Variants in RBFOX1 observed in about 807,000 individuals in gnomAD.
The protein encoded by RBFOX1 is RNA binding protein fox-1 homolog 1.
RBFOX1 carries 8 observed loss-of-function variants against 57.7 expected under a neutral mutation model. The ratio of observed to expected loss-of-function variants is 0.14; its 90% CI spans 0.08 to 0.25. The LOEUF (loss-of-function observed/expected upper bound fraction) is 0.25, where lower values mean the gene tolerates loss of function less well. Among genes scored for constraint, RBFOX1 ranks in the 10% least tolerant of loss-of-function variants. RBFOX1 has a pLI of 1.00. For missense variants in RBFOX1, 611 were observed against 548.5 expected (o/e 1.11, Z -1.14); for synonymous variants, 326 against 222.4 (o/e 1.47, Z -4.15).
chr16:6,639,442 G>A (rs996396748), intron 2 of RBFOX1, among the ~76,000 whole-genome samples: 1 of 151,954 alleles, frequency 6.6e-6, no homozygotes, highest in African/African-American at 2.4e-5. Flanking sequence ...GGCCAGTAGG[G>A]GTCTGTTTAA....
chr16:5,295,834 G>A (rs754720645), intron 1 of RBFOX1, among the ~76,000 whole-genome samples: 19 of 152,156 alleles, frequency 1.2e-4, no homozygotes, highest in Non-Finnish European at 2.5e-4. Flanking sequence ...TCAGTACCAG[G>A]ATGGGAGGCA....
chr16:7,426,239 G>C (rs1482077815), intron 4 of RBFOX1, among the ~76,000 whole-genome samples: 1 of 152,126 alleles, frequency 6.6e-6, no homozygotes, highest in African/African-American at 2.4e-5. Context: ...TACAAATTGA[G>C]TCTTTTTTCT....
intron 3 of RBFOX1, among the ~76,000 whole-genome samples, chr16:5,616,644 C>T (rs955043268): frequency 6.9e-6 from 1 of 145,908 alleles, no homozygotes; most frequent in African/African-American, 2.5e-5. Context: ...CTCCTCACCC[C>T]TCCTCCTCTG....
chr16:5,734,161 C>G (rs1402339290), intron 3 of RBFOX1, among the ~76,000 whole-genome samples: 1 of 152,182 alleles, frequency 6.6e-6, no homozygotes. Flanking sequence ...GGTGTCTTGT[C>G]TGTTCAAAGA....
chr16:6,224,727 A>C (rs925026761), intron 1 of RBFOX1, among the ~76,000 whole-genome samples: 1 of 152,140 alleles, frequency 6.6e-6, no homozygotes, highest in African/African-American at 2.4e-5. Flanking sequence ...GCAGATTAAG[A>C]ATCACTTACT....
At chr16:5,795,111 C>G (rs2054832517) in intron 3 of RBFOX1, among the ~76,000 whole-genome samples, 1 of 152,176 alleles carries the variant, frequency 6.6e-6, no homozygotes, top group African/African-American at 2.4e-5. Context: ...GAAATACCTA[C>G]CTTATTATAT....
chr16:7,479,259 G>A (rs113928240), intron 4 of RBFOX1, among the ~76,000 whole-genome samples: 2 of 151,950 alleles, frequency 1.3e-5, no homozygotes, highest in African/African-American at 4.8e-5. Flanking sequence ...GAGTCGCTGG[G>A]ATTACAGGCA....
Position 5,833,494 on chromosome 16 carries a change from C to CAAAAAAA in RBFOX1, c.319-33794_319-33788dup, listed in dbSNP as rs1183168830. On this transcript the variant is annotated intron_variant, in intron 3 of 19. Transcript: ENST00000641259. ...TGGGCGACAGAGCGAGACTCTATCTCAAAAAAAAAAAAAAAAAAAAAGAAA... is the reference window on the plus strand; with the variant it reads ...TGGGCGACAGAGCGAGACTCTATCTCAAAAAAAAAAAAAAAAAAAAAAAAAAAAGAAA... Among the ~76,000 whole-genome samples the CAAAAAAA allele has an allele frequency of 2.9e-4, 17 of 59,542 alleles. No individual in the cohort carries two copies. In the South Asian group the frequency reaches 9.9e-3, roughly 35 times the overall value. 39.1% of individuals were successfully genotyped at this position (59,542 alleles called of 152,430 possible). A position where few individuals can be genotyped will look rare whatever the true frequency, so the allele number is the denominator to read the frequency against.
rs185352318 is a variant in RBFOX1, at chr16:6,845,104, C to T, written c.-16+190454C>T. Among the ~76,000 whole-genome samples the T allele has an allele frequency of 7.4e-4, 113 of 152,054 alleles. 1 individual carries two copies. Among genetic ancestry groups the T allele is most frequent in the Non-Finnish European group, 8.5e-4 (58 of 68,012 alleles). ...AGACCTTTGTCAGATGGATAGATTG[C>T]GAACATTGTCTGCCATTCTGTGGGT... On this transcript the variant is annotated intron_variant, in intron 3 of 15. Transcript: ENST00000550418.
At chr16:7,637,719 A>T (rs2062005249) in intron 11 of RBFOX1, among the ~76,000 whole-genome samples, 1 of 152,158 alleles carries the variant, frequency 6.6e-6, no homozygotes, top group Non-Finnish European at 1.5e-5. Flanking sequence ...CCAGTGTCTG[A>T]CAGCTTCTTG....
At chr16:6,830,741 T>C (rs1448485248) in intron 3 of RBFOX1, among the ~76,000 whole-genome samples, 1 of 152,184 alleles carries the variant, frequency 6.6e-6, no homozygotes. Context: ...TCTCTACTCT[T>C]TGCATTCTGG....
intron 3 of RBFOX1, among the ~76,000 whole-genome samples, chr16:5,689,665 C>T (rs1202569443): frequency 6.6e-6 from 1 of 152,166 alleles, no homozygotes; most frequent in Non-Finnish European, 1.5e-5. Context: ...GTCACATTCA[C>T]TTATTCAGTC....
chr16:7,057,315 G>A (rs1215036038), intron 4 of RBFOX1, among the ~76,000 whole-genome samples: 2 of 152,142 alleles, frequency 1.3e-5, no homozygotes, highest in East Asian at 1.9e-4. Flanking sequence ...AGCAGAAAAG[G>A]CATGCAACCA....
chr16:7,044,444 GT>G (rs543469302), intron 3 of RBFOX1, among the ~76,000 whole-genome samples: 1 of 152,204 alleles, frequency 6.6e-6, no homozygotes, highest in Non-Finnish European at 1.5e-5. Context: ...CTTTGGCCCT[GT>G]TGGCTAAATG....
chr16:6,192,998 C>G (rs1463280344), intron 1 of RBFOX1, among the ~76,000 whole-genome samples: 1 of 152,090 alleles, frequency 6.6e-6, no homozygotes, highest in East Asian at 1.9e-4. Context: ...TCCCATTCAT[C>G]TGATGGCTGT....
At chr16:6,559,870 C>G (rs2097156828) in intron 2 of RBFOX1, among the ~76,000 whole-genome samples, 1 of 152,040 alleles carries the variant, frequency 6.6e-6, no homozygotes, top group African/African-American at 2.4e-5. Context: ...TCTGGACCCA[C>G]TAAAAAAGAA....
At chr16:5,500,311 C>G (rs955851504) in intron 2 of RBFOX1, among the ~76,000 whole-genome samples, 2 of 151,972 alleles carry the variant, frequency 1.3e-5, no homozygotes, top group African/African-American at 4.8e-5. Context: ...CAGCCTCAAC[C>G]TGCTGAATTC....
At chr16:7,585,676 C>T (rs565536048) in intron 6 of RBFOX1, among the ~76,000 whole-genome samples, 36 of 152,268 alleles carry the variant, frequency 2.4e-4, no homozygotes, top group Non-Finnish European at 4.1e-4. Context: ...CAAGATTGGG[C>T]TGTCTGTATT....
intron 4 of RBFOX1, among the ~76,000 whole-genome samples, chr16:7,208,393 G>A (rs2090429494): frequency 6.6e-6 from 1 of 152,190 alleles, no homozygotes; most frequent in African/African-American, 2.4e-5. Context: ...TCTGCAGGCT[G>A]TGTAAGAAGC....
Sources: gnomAD v4.1 joint callset for allele counts (sites outside exome capture counted in the v4.1 genomes callset) on GRCh38, gnomAD v4.1.1 for gene constraint, MANE v1.5 for transcripts, NCBI Gene and HGNC (gene_info 2026-07-23, HGNC 2026-07-21) for gene names.